PRCD: variants seen among roughly 807,000 people sequenced by gnomAD.
PRCD encodes photoreceptor disk component PRCD.
Under a neutral mutation model 10.1 loss-of-function variants are expected in PRCD, and 12 were observed. The ratio of observed to expected loss-of-function variants is 1.18; its 90% CI spans 0.76 to 1.92. The LOEUF (loss-of-function observed/expected upper bound fraction) is 1.92. PRCD is among the 40% of genes most tolerant of loss of function. The pLI is 0.00. For missense variants in PRCD, 61 were observed against 72.2 expected (o/e 0.84, Z 0.56); for synonymous variants, 31 against 26.2 (o/e 1.18, Z -0.56).
chr17:76,529,563 G>A, intron 1 of PRCD: 1 of 985,138 alleles, frequency 1.0e-6, no homozygotes, highest in Non-Finnish European at 1.2e-6. Context: ...TTGTAAAAAA[G>A]CCCTTTTCTC....
At chr17:76,529,670 C>T (rs1598200754) in intron 1 of PRCD, 1 of 985,420 alleles carries the variant, frequency 1.0e-6, no homozygotes. Context: ...CAAGCCCCCT[C>T]CCCTCCTCTT....
chr17:76,552,077 A>G (rs1406730331), intron 1 of PRCD: 3 of 152,234 alleles, frequency 2.0e-5, no homozygotes, highest in African/African-American at 7.2e-5. Context: ...GTATTCTGCC[A>G]TGATCCATTC....
At chr17:76,548,658 G>A (rs1016551941), downstream of PRCD, among the ~76,000 whole-genome samples, 3 of 152,240 alleles carry the variant, frequency 2.0e-5, no homozygotes, top group Non-Finnish European at 2.9e-5. Context: ...GAAAAGAACA[G>A]TTTAGTAAAA....
intron 2 of PRCD, among the ~76,000 whole-genome samples, chr17:76,541,514 T>A (rs762221835): frequency 6.6e-6 from 1 of 152,144 alleles, no homozygotes; most frequent in Non-Finnish European, 1.5e-5. Context: ...CCGAGAGAAC[T>A]TCCGTCTTTC....
chr17:76,534,580 C>T (rs760561571), intron 1 of PRCD, among the ~76,000 whole-genome samples: 8 of 152,346 alleles, frequency 5.3e-5, no homozygotes, highest in South Asian at 4.1e-4. Flanking sequence ...TACGATCTCA[C>T]GAATCCTTGC....
Position 76,540,483 on chromosome 17 carries a change from T to A in PRCD, c.75-22T>A, listed in dbSNP as rs2143144543. 6.2e-7 allele frequency: 1 copy of A among 1,612,878 alleles called. No homozygotes were observed. The highest frequency in any genetic ancestry group is 1.1e-5 in the South Asian group (1 of 91,056). On this transcript the variant is annotated intron_variant, in intron 1 of 4. Transcript: ENST00000592014. This position sits in a 1 kb window ranked among gnomAD's most constrained non-coding sequence, Gnocchi z 5.0. The stretch of plus-strand genomic sequence containing the variant: ...GGCTGGGCACAGCCATAGCTCTTCC[T>A]CCCTACTCTTGCCTCCCACAGAGAG...
At chr17:76,532,736 C>T (rs2074862270) in intron 1 of PRCD, among the ~76,000 whole-genome samples, 1 of 151,822 alleles carries the variant, frequency 6.6e-6, no homozygotes, top group South Asian at 2.1e-4. Context: ...AGGGTTTCAC[C>T]ATGTTGGCCA....
chr17:76,543,345 T>A (rs773124659), intron 4 of PRCD: 36 of 341,216 alleles, frequency 1.1e-4, no homozygotes, highest in Non-Finnish European at 1.8e-4. Flanking sequence ...AGGCTAATTC[T>A]GGGGCAGCCA....
chr17:76,537,519 C>T (rs1279492449), upstream of PRCD: 3 of 1,571,716 alleles, frequency 1.9e-6, no homozygotes, highest in East Asian at 5.1e-5. Flanking sequence ...GCTCGATCTC[C>T]ATCTCGCCTG....
intron 4 of PRCD, chr17:76,543,429 A>G (rs2075015344): frequency 5.9e-6 from 2 of 337,982 alleles, no homozygotes; most frequent in Admixed American, 4.1e-5. Flanking sequence ...GATAGCTCAC[A>G]TTTACTAAGC....
At chr17:76,542,523 A>G in intron 2 of PRCD, 30 bp from the exon 3 acceptor site, 2 of 1,614,120 alleles carry the variant, frequency 1.2e-6, no homozygotes, top group Non-Finnish European at 1.7e-6. Flanking sequence ...GTGCCCTTCA[A>G]TCCTGACCCC....
upstream of PRCD, chr17:76,537,384 G>T (rs1329237304): frequency 5.1e-6 from 8 of 1,580,704 alleles, no homozygotes; most frequent in Non-Finnish European, 6.0e-6. Context: ...GCCCGGCCGG[G>T]CCGGGCGACA....
downstream of PRCD, chr17:76,545,673 A>G: frequency 3.4e-6 from 1 of 297,406 alleles, no homozygotes; most frequent in Non-Finnish European, 6.6e-6. Context: ...CAGTTTCTTT[A>G]GCTGTAGGAT....
rs1204728602 is a variant in PRCD, at chr17:76,544,439, G to A, written c.*789G>A. Reference sequence around the variant, plus strand: ...CAGGGTGGGGGAGGAGGTGCACCCCGCTGGGGAGGGCCTGCTGGTACCTCG... The same window carrying A: ...CAGGGTGGGGGAGGAGGTGCACCCCACTGGGGAGGGCCTGCTGGTACCTCG... On this transcript the variant is annotated 3_prime_UTR_variant, in exon 5 of 5. Transcript: ENST00000592014. 27 of 454,906 alleles carry A rather than the reference G, an allele frequency of 5.9e-5. No homozygotes were observed. The highest frequency in any genetic ancestry group is 1.0e-4 in the Non-Finnish European group (23 of 226,982). 28.2% of individuals were successfully genotyped at this position (454,906 alleles called of 1,614,324 possible). A position where few individuals can be genotyped will look rare whatever the true frequency, so the allele number is the denominator to read the frequency against.
upstream of PRCD, among the ~76,000 whole-genome samples, chr17:76,535,191 T>C (rs1368766085): frequency 6.6e-6 from 1 of 151,984 alleles, no homozygotes; most frequent in African/African-American, 2.4e-5. Context: ...CTTCTCCAGG[T>C]TGGGGGTGTG....
chr17:76,537,028 T>G (rs2074922793), upstream of PRCD, among the ~76,000 whole-genome samples: 2 of 152,292 alleles, frequency 1.3e-5, no homozygotes, highest in African/African-American at 4.8e-5. Flanking sequence ...TTTTCCCATC[T>G]CTAAAATGGG....
rs957247324 is a variant in PRCD at position 76,545,209 on chromosome 17, C to A, written c.*1559C>A. The A allele has an allele frequency of 1.3e-5, 6 of 456,682 alleles. No homozygotes were observed. Among genetic ancestry groups the A allele is most frequent in the Admixed American group, 7.0e-5 (3 of 42,574 alleles). 28.3% of individuals were successfully genotyped at this position (456,682 alleles called of 1,614,324 possible). A position where few individuals can be genotyped will look rare whatever the true frequency, so the allele number is the denominator to read the frequency against. The stretch of plus-strand genomic sequence containing the variant: ...CTGCGCAGTCTGCACATTTGCAGCT[C>A]CTGCTGCAGAAAGTTACCTCTCTCA... On this transcript the variant is annotated 3_prime_UTR_variant, in exon 5 of 5. Coordinates refer to ENST00000592014, the MANE Select transcript of PRCD (RefSeq NM_001077620.3).
chr17:76,529,733 G>T (rs1358359868), intron 1 of PRCD: 2 of 985,210 alleles, frequency 2.0e-6, no homozygotes, highest in Admixed American at 6.1e-5. Context: ...GGGTGAGGGG[G>T]CAACCACTGC....
Position 76,540,345 on chromosome 17 carries a change from A to G in PRCD, c.74+130A>G. The G allele has an allele frequency of 7.7e-7, 1 of 1,298,090 alleles. No homozygotes were observed. The highest frequency in any genetic ancestry group is 1.9e-5 in the Admixed American group (1 of 51,514). 80.4% of individuals were successfully genotyped at this position (1,298,090 alleles called of 1,614,324 possible). ...CGGGGCTGGGAGGGCATTTTGAGGA[A>G]CCCTTGAGAGAGCACAGTCTCAGAG... On this transcript the variant is annotated intron_variant, in intron 1 of 4. Coordinates refer to ENST00000592014, the MANE Select transcript of PRCD (RefSeq NM_001077620.3). The surrounding 1 kb of genome is among the most constrained non-coding windows in gnomAD (Gnocchi z 5.0).
Sources: gnomAD v4.1 joint callset for allele counts (sites outside exome capture counted in the v4.1 genomes callset) on GRCh38, gnomAD v4.1.1 for gene constraint, Gnocchi (gnomAD v3.1) non-coding constraint, MANE v1.5 for transcripts, NCBI Gene and HGNC (gene_info 2026-07-23, HGNC 2026-07-21) for gene names.